CERK: variants seen among roughly 807,000 people sequenced by gnomAD.
The protein encoded by CERK is ceramide kinase, also known as acylsphingosine kinase.
Under a neutral mutation model 63.4 loss-of-function variants are expected in CERK, and 39 were observed. That is an observed-to-expected ratio of 0.61 (90% CI 0.48 to 0.80). The LOEUF is 0.80. Ranked by LOEUF, CERK falls within the 30% of genes least tolerant of loss-of-function variation. The pLI, the probability that CERK is intolerant of heterozygous loss-of-function variation, is 0.00. For synonymous variants in CERK, 302 were observed against 280.0 expected, an observed-to-expected ratio of 1.08 and a Z score of -0.78; for missense variants, 670 against 714.1, an observed-to-expected ratio of 0.94 and a Z score of 0.70.
In CERK at chr22:46,738,072, T is replaced by G. The variant is rs1473991319; in HGVS notation, c.77A>C (p.Glu26Ala). ...CCAGCGCAGCAGAGCCCGCGCGGGC[T>G]CCAGGCTCACGGCGCAGCGCTGCTG... ...VKQQRCAVSL[E>A]PARALLRWWR... The change falls in exon 1 of 13, where the codon GAG (glutamate) becomes GCG (alanine). Residue 26 changes from glutamate (E) to alanine (A), a missense_variant. Coordinates refer to ENST00000216264, the MANE Select transcript of CERK (RefSeq NM_022766.6). 1.6e-6 allele frequency: 2 copies of G among 1,269,316 alleles called. No individual in the cohort carries two copies. Among genetic ancestry groups the G allele is most frequent in the African/African-American group, 3.2e-5 (2 of 62,652 alleles). 78.6% of individuals were successfully genotyped at this position (1,269,316 alleles called of 1,614,324 possible). A position where few individuals can be genotyped will look rare whatever the true frequency, so the allele number is the denominator to read the frequency against.
chr22:46,709,087 G>A (rs749217073), intron 5 of CERK, among the ~76,000 whole-genome samples: 42 of 152,126 alleles, frequency 2.8e-4, no homozygotes, highest in Non-Finnish European at 3.4e-4. Context: ...ACCTTGCACC[G>A]GGGCAGCCTT....
chr22:46,690,311 C>G (rs1297525395), intron 11 of CERK, 111 bp from the exon 12 acceptor site: 1 of 728,544 alleles, frequency 1.4e-6, no homozygotes, highest in Admixed American at 2.8e-5. Flanking sequence ...GGTGCACACA[C>G]GGCCCTTCTC....
chr22:46,734,059 C>CATACATACATATATATATATATATAT (rs1309406328), intron 1 of CERK, among the ~76,000 whole-genome samples: 1 of 104,974 alleles, frequency 9.5e-6, no homozygotes, highest in East Asian at 2.8e-4. Context: ...GTTATATATA[C>CATACATACATATATATATATATATAT]ATACATACAT....
At chr22:46,734,039 A>G (rs995355070) in intron 1 of CERK, among the ~76,000 whole-genome samples, 2 of 147,282 alleles carry the variant, frequency 1.4e-5, no homozygotes, top group Non-Finnish European at 3.0e-5. Context: ...CCAAAAATAT[A>G]ATAAAATATG....
chr22:46,729,869 C>G (rs2082936958), intron 1 of CERK, among the ~76,000 whole-genome samples: 1 of 151,914 alleles, frequency 6.6e-6, no homozygotes, highest in South Asian at 2.1e-4. Flanking sequence ...GAAACCCTGT[C>G]CCTACTAAAA....
intron 10 of CERK, among the ~76,000 whole-genome samples, chr22:46,692,181 C>T (rs189139583): frequency 8.0e-4 from 122 of 152,188 alleles, no homozygotes; most frequent in Admixed American, 6.7e-3. Flanking sequence ...AATCCCAGCA[C>T]TTTGGGAGGC....
At chr22:46,710,596 C>T (rs1242391774) in intron 5 of CERK, among the ~76,000 whole-genome samples, 1 of 152,106 alleles carries the variant, frequency 6.6e-6, no homozygotes, top group African/African-American at 2.4e-5. Context: ...TACAACAATG[C>T]TATCCTAAGA....
At chr22:46,729,144 C>T (rs2082933766) in intron 1 of CERK, among the ~76,000 whole-genome samples, 2 of 152,180 alleles carry the variant, frequency 1.3e-5, no homozygotes, top group South Asian at 4.1e-4. Flanking sequence ...GGGAGGACTG[C>T]TTGAGGCCAG....
chr22:46,703,026 C>G (rs559162357), intron 6 of CERK, among the ~76,000 whole-genome samples: 2 of 152,268 alleles, frequency 1.3e-5, no homozygotes, highest in Admixed American at 6.5e-5. Flanking sequence ...CCAGGACATG[C>G]GCATCATCTC....
intron 1 of CERK, chr22:46,735,401 G>T (rs2082967851): frequency 6.6e-6 from 1 of 152,274 alleles, no homozygotes; most frequent in Non-Finnish European, 1.5e-5. Context: ...ATGACCCACT[G>T]ACGAAAGTGC....
intron 8 of CERK, among the ~76,000 whole-genome samples, chr22:46,696,414 G>A (rs62232614): frequency 0.038 from 5,857 of 152,222 alleles, 167 homozygotes; most frequent in Middle Eastern, 0.068. Context: ...GGAGGAGGCC[G>A]ACCCACTGGT....
chr22:46,730,039 AAAACAAAC>A (rs150531711), intron 1 of CERK, among the ~76,000 whole-genome samples: 17 of 150,236 alleles, frequency 1.1e-4, no homozygotes, highest in Non-Finnish European at 2.1e-4. Flanking sequence ...ACTCCATCTC[AAAACAAAC>A]AAACAAACAA....
intron 5 of CERK, among the ~76,000 whole-genome samples, chr22:46,709,086 C>T (rs923873536): frequency 2.0e-5 from 3 of 152,212 alleles, no homozygotes; most frequent in Non-Finnish European, 2.9e-5. Context: ...CACCTTGCAC[C>T]GGGGCAGCCT....
intron 6 of CERK, among the ~76,000 whole-genome samples, chr22:46,706,402 C>T (rs1014056586): frequency 6.6e-5 from 10 of 152,220 alleles, no homozygotes; most frequent in Non-Finnish European, 1.3e-4. Flanking sequence ...GAGGCTCCCC[C>T]GAGATCCAGC....
Position 46,738,016 on chromosome 22 carries a change from G to A in CERK, c.133C>T (p.Pro45Ser), listed in dbSNP as rs1233276249. Residue 45 changes from proline (P) to serine (S), a missense_variant, in exon 1 of 13, where the codon CCC becomes TCC. Pro to Ser is a moderately conservative substitution (Grantham distance 74). Coordinates refer to ENST00000216264, the MANE Select transcript of CERK (RefSeq NM_022766.6). ...WRSPGPGAGA[P>S]GADACSVPVS... ...CGGCGGCGACACTCACCCGCGCCGG[G>A]GGCGCCGGCTCCGGGCCCCGGGCTC... The A allele has an allele frequency of 5.1e-6, 6 of 1,186,676 alleles. No individual in the cohort carries two copies. Among genetic ancestry groups the A allele is most frequent in the Non-Finnish European group, 6.2e-6 (6 of 962,118 alleles). 73.5% of individuals were successfully genotyped at this position (1,186,676 alleles called of 1,614,324 possible). A position where few individuals can be genotyped will look rare whatever the true frequency, so the allele number is the denominator to read the frequency against.
intron 1 of CERK, among the ~76,000 whole-genome samples, chr22:46,728,065 CTG>C (rs1273931142): frequency 6.6e-6 from 1 of 152,138 alleles, no homozygotes; most frequent in Non-Finnish European, 1.5e-5. Flanking sequence ...TGCGCAGCCC[CTG>C]TGTGTGGGTT....
At chr22:46,713,369 C>T (rs372348720) in intron 3 of CERK, among the ~76,000 whole-genome samples, 105 of 151,720 alleles carry the variant, frequency 6.9e-4, no homozygotes, top group African/African-American at 2.3e-3. Context: ...ATTAGCCGGG[C>T]GTGGTGGCGG....
intron 6 of CERK, among the ~76,000 whole-genome samples, chr22:46,703,091 G>A (rs2082795717): frequency 1.3e-5 from 2 of 152,164 alleles, no homozygotes; most frequent in Admixed American, 6.5e-5. Flanking sequence ...GAAGTTACAA[G>A]CAGCAGATGC....
intron 7 of CERK, 132 bp downstream of exon 7, chr22:46,701,504 G>A: frequency 2.8e-6 from 2 of 710,568 alleles, no homozygotes; most frequent in East Asian, 5.5e-5. Flanking sequence ...AGCAGAGCAG[G>A]GGACACAGCG....
Sources: gnomAD v4.1 joint callset for allele counts (sites outside exome capture counted in the v4.1 genomes callset) on GRCh38, gnomAD v4.1.1 for gene constraint, MANE v1.5 for transcripts, NCBI Gene and HGNC (gene_info 2026-07-23, HGNC 2026-07-21) for gene names.